The following KCNJ1 variants were observed in gnomAD, a reference collection of about 807,000 sequenced individuals.
The protein encoded by KCNJ1 is potassium inwardly rectifying channel subfamily J member 1, also known as ATP-sensitive inward rectifier potassium channel 1.
A neutral mutation model predicts 21.9 loss-of-function variants in KCNJ1; 24 were observed. The observed-to-expected ratio is 1.10, with a 90% CI of 0.79 to 1.54. The LOEUF is 1.54. Ranked by LOEUF, KCNJ1 falls within the 40% of genes most tolerant of loss-of-function variation. KCNJ1 has a pLI of 0.00. For synonymous variants in KCNJ1, 152 were observed against 160.9 expected (o/e 0.94, Z 0.42); for missense variants, 457 against 455.4 (o/e 1.00, Z -0.03).
At chr11:128,855,697 G>C (rs1458396721) in intron 1 of KCNJ1, among the ~76,000 whole-genome samples, 1 of 152,204 alleles carries the variant, frequency 6.6e-6, no homozygotes, top group African/African-American at 2.4e-5. Context: ...AAGGAAATCT[G>C]TTTCCCAATG....
At chr11:128,842,647 A>G in intron 2 of KCNJ1, 2 of 778,316 alleles carry the variant, frequency 2.6e-6, no homozygotes, top group East Asian at 6.1e-5. Context: ...CCAACATCAC[A>G]TGGCTTGAAT....
intron 1 of KCNJ1, among the ~76,000 whole-genome samples, chr11:128,863,494 A>C (rs1486470910): frequency 1.3e-5 from 2 of 152,218 alleles, no homozygotes; most frequent in Non-Finnish European, 2.9e-5. Flanking sequence ...TGGGGAACCA[A>C]TTTTGAAAAG....
intron 2 of KCNJ1, among the ~76,000 whole-genome samples, chr11:128,846,753 A>ACC (rs533610115): frequency 6.9e-4 from 105 of 152,246 alleles, no homozygotes; most frequent in South Asian, 6.8e-3. Flanking sequence ...TAGGATTAGG[A>ACC]TTAACTAGGA....
At chr11:128,856,789 T>C (rs1943599264) in intron 1 of KCNJ1, among the ~76,000 whole-genome samples, 1 of 152,096 alleles carries the variant, frequency 6.6e-6, no homozygotes, top group Non-Finnish European at 1.5e-5. Flanking sequence ...CACAATATAG[T>C]CAGGACCTGT....
At chr11:128,864,081 T>C (rs1714060676) in intron 1 of KCNJ1, among the ~76,000 whole-genome samples, 2 of 131,780 alleles carry the variant, frequency 1.5e-5, no homozygotes, top group Admixed American at 7.4e-5. Context: ...TCTCTTTTTT[T>C]TTTTTTTTTT....
At chr11:128,842,711 A>T (rs668393) in intron 2 of KCNJ1, among the ~76,000 whole-genome samples, 3 of 151,856 alleles carry the variant, frequency 2.0e-5, no homozygotes, top group Non-Finnish European at 2.9e-5. Flanking sequence ...GGCAGCAGGC[A>T]TGGATTGGGT....
At chr11:128,857,079 T>C (rs1311827131) in intron 1 of KCNJ1, among the ~76,000 whole-genome samples, 1 of 152,090 alleles carries the variant, frequency 6.6e-6, no homozygotes, top group East Asian at 1.9e-4. Flanking sequence ...CCTAGCTCAC[T>C]ATGTTCCCAC....
chr11:128,852,499 G>A (rs1565527448), intron 1 of KCNJ1, among the ~76,000 whole-genome samples: 1 of 152,218 alleles, frequency 6.6e-6, no homozygotes, highest in Non-Finnish European at 1.5e-5. Context: ...AGCCATCAGA[G>A]TTACATTAAT....
chr11:128,844,537 T>C (rs1282665981), intron 2 of KCNJ1, among the ~76,000 whole-genome samples: 1 of 152,248 alleles, frequency 6.6e-6, no homozygotes, highest in Non-Finnish European at 1.5e-5. Flanking sequence ...AATTTCCTTT[T>C]CTCCATAAAA....
In KCNJ1 at chr11:128,839,579, G is replaced by T; in HGVS notation, c.665C>A (p.Thr222Asn). ...GATATTGATCTGGTCCAAAATAATG[G>T]TCTCTCCTTCAGGAGTGACTGTGGT... ...LKTTVTPEGE[T>N]IILDQININF... The change falls in exon 3 of 3, where the codon ACC becomes AAC. Residue 222 changes from threonine to asparagine, a missense_variant. Thr to Asn is a moderately conservative substitution (Grantham distance 65, BLOSUM62 0). Transcript: ENST00000392666. 8 of 1,614,070 alleles carry T rather than the reference G, an allele frequency of 5.0e-6. No homozygotes were observed. The highest frequency in any genetic ancestry group is 1.1e-5 in the South Asian group (1 of 91,080).
At chr11:128,847,146 CAA>C (rs746547219) in intron 2 of KCNJ1, among the ~76,000 whole-genome samples, 16 of 152,280 alleles carry the variant, frequency 1.1e-4, no homozygotes, top group Non-Finnish European at 1.6e-4. Flanking sequence ...TAATCCAGAG[CAA>C]AGCATTGCTT....
At chr11:128,853,154 A>G (rs1411457657) in intron 1 of KCNJ1, among the ~76,000 whole-genome samples, 1 of 152,244 alleles carries the variant, frequency 6.6e-6, no homozygotes, top group Non-Finnish European at 1.5e-5. Context: ...TGATGATTCT[A>G]GTGCCTTTGT....
chr11:128,848,324 C>T (rs1042301791), intron 2 of KCNJ1, among the ~76,000 whole-genome samples: 3 of 149,354 alleles, frequency 2.0e-5, no homozygotes, highest in African/African-American at 7.4e-5. Flanking sequence ...CCTGAGACCA[C>T]GGGTGTGCAC....
Position 128,850,425 on chromosome 11 carries a change from C to G in KCNJ1, c.-22+296G>C, listed in dbSNP as rs961902574. Among the ~76,000 whole-genome samples, 4 of 152,206 alleles carry G rather than the reference C, an allele frequency of 2.6e-5. No individual in the cohort carries two copies. The South Asian group carries it at 8.3e-4, about 31-fold the overall frequency. On this transcript the variant is annotated intron_variant, in intron 2 of 2. Transcript: ENST00000392666. Reference sequence around the variant, plus strand: ...CCATGTCCCCAGTCCCTGCCTACCCCAGCACCAGGCAGAGAACAGAGGCTC... The same window carrying G: ...CCATGTCCCCAGTCCCTGCCTACCCGAGCACCAGGCAGAGAACAGAGGCTC...
At chr11:128,860,442 G>T (rs1035514857) in intron 1 of KCNJ1, among the ~76,000 whole-genome samples, 3 of 152,338 alleles carry the variant, frequency 2.0e-5, no homozygotes, top group Non-Finnish European at 4.4e-5. Flanking sequence ...ATGAGTTCTT[G>T]TAGAAATGAA....
At chr11:128,860,388 T>C (rs950960159) in intron 1 of KCNJ1, among the ~76,000 whole-genome samples, 5 of 152,218 alleles carry the variant, frequency 3.3e-5, no homozygotes, top group Non-Finnish European at 7.3e-5. Flanking sequence ...CCGTCTGATA[T>C]AAGTGCGTGA....
chr11:128,866,456 C>T (rs1943817111), intron 1 of KCNJ1: 6 of 516,340 alleles, frequency 1.2e-5, no homozygotes, highest in Non-Finnish European at 1.5e-5. Flanking sequence ...TGCGAAAGAC[C>T]AACTCCTTTT....
chr11:128,860,820 A>T (rs1943692165), intron 1 of KCNJ1, among the ~76,000 whole-genome samples: 2 of 152,224 alleles, frequency 1.3e-5, no homozygotes, highest in African/African-American at 4.8e-5. Flanking sequence ...CCCAGCTCCA[A>T]TTACCAGCTA....
At position 128,839,529 on chromosome 11, in the gene KCNJ1, C is replaced by T; in HGVS notation, c.715G>A (p.Glu239Lys). The T allele has an allele frequency of 6.2e-7, 1 of 1,614,204 alleles. No homozygotes were observed. The highest frequency in any genetic ancestry group is 8.5e-7 in the Non-Finnish European group (1 of 1,180,030). Residue 239 changes from glutamate to lysine, a missense_variant, in exon 3 of 3, where the codon GAA becomes AAA. Glu to Lys is a moderately conservative substitution (Grantham distance 56). Transcript: ENST00000392666. ...NINFVVDAGN[E>K]NLFFISPLTI... ...AATGGGGAGATGAAGAATAAATTTTCATTCCCAGCGTCAACTACAAAGTTG... is the reference window on the plus strand; with the variant it reads ...AATGGGGAGATGAAGAATAAATTTTTATTCCCAGCGTCAACTACAAAGTTG...
Sources: allele counts gnomAD v4.1 joint callset (sites outside exome capture counted in the v4.1 genomes callset), GRCh38; gene constraint gnomAD v4.1.1; transcripts MANE v1.5; gene names NCBI Gene and HGNC (gene_info 2026-07-23, HGNC 2026-07-21).